The following PALM2AKAP2 variants were observed in gnomAD, a reference collection of about 807,000 sequenced individuals.
The protein encoded by PALM2AKAP2 is PALM2-AKAP2 fusion protein.
A neutral mutation model predicts 71.5 loss-of-function variants in PALM2AKAP2; 37 were observed. That is an observed-to-expected ratio of 0.52 (90% CI 0.40 to 0.68). The LOEUF (loss-of-function observed/expected upper bound fraction) is 0.68. Ranked by LOEUF, PALM2AKAP2 falls within the 30% of genes least tolerant of loss-of-function variation. PALM2AKAP2 has a pLI of 0.00. For synonymous variants in PALM2AKAP2, 468 were observed against 478.8 expected, an observed-to-expected ratio of 0.98 and a Z score of 0.29; for missense variants, 1,224 against 1,191.8, an observed-to-expected ratio of 1.03 and a Z score of -0.40.
intron 1 of PALM2AKAP2, chr9:109,862,945 C>T (rs746277858): frequency 1.4e-5 from 7 of 512,920 alleles, no homozygotes; most frequent in Non-Finnish European, 2.7e-5. Flanking sequence ...TGGTAGGGGG[C>T]CATGGCTTGA....
At chr9:109,753,414 G>C (rs1208728702) in intron 1 of PALM2AKAP2, among the ~76,000 whole-genome samples, 10 of 152,104 alleles carry the variant, frequency 6.6e-5, no homozygotes, top group Admixed American at 5.9e-4. Flanking sequence ...TCTTTTTCCA[G>C]CTTCCAAAAG....
chr9:110,048,768 T>G (rs1159158324), exon 1 of PALM2AKAP2: 1 of 1,458,384 alleles, frequency 6.9e-7, no homozygotes, highest in Non-Finnish European at 9.3e-7. Flanking sequence ...CGGAGTCTCC[T>G]GGACCCCCGG....
At chr9:109,691,174 T>TACACATACACAC (rs1554706573) in intron 1 of PALM2AKAP2, among the ~76,000 whole-genome samples, 17 of 147,458 alleles carry the variant, frequency 1.2e-4, no homozygotes, top group Admixed American at 1.0e-3. Context: ...CTTTGAATTT[T>TACACATACACAC]ACACACACAC....
At chr9:109,835,189 G>GAGGGTGTAGGGAAAGAGGGA (rs1355350115) in intron 1 of PALM2AKAP2, among the ~76,000 whole-genome samples, 5 of 150,390 alleles carry the variant, frequency 3.3e-5, no homozygotes, top group African/African-American at 1.2e-4. Context: ...GGAAAGAGGA[G>GAGGGTGTAGGGAAAGAGGGA]AGGGTGTAGG....
intron 1 of PALM2AKAP2, among the ~76,000 whole-genome samples, chr9:109,864,254 AG>A (rs1323285167): frequency 1.7e-4 from 26 of 152,306 alleles, no homozygotes; most frequent in Non-Finnish European, 1.5e-5. Flanking sequence ...TAACCCAATA[AG>A]GAGTTTCCTC....
intron 1 of PALM2AKAP2, among the ~76,000 whole-genome samples, chr9:109,797,181 C>G (rs555896371): frequency 6.6e-6 from 1 of 152,294 alleles, no homozygotes; most frequent in East Asian, 1.9e-4. Flanking sequence ...TTCCATCTCT[C>G]TCAGCTGGGT....
intron 1 of PALM2AKAP2, among the ~76,000 whole-genome samples, chr9:109,768,835 A>G (rs964296687): frequency 1.3e-5 from 2 of 152,220 alleles, no homozygotes; most frequent in African/African-American, 4.8e-5. Flanking sequence ...AAATTTAAAA[A>G]TAGACCAGGC....
At chr9:109,803,355 C>T (rs1827485456) in intron 1 of PALM2AKAP2, among the ~76,000 whole-genome samples, 1 of 152,132 alleles carries the variant, frequency 6.6e-6, no homozygotes, top group African/African-American at 2.4e-5. Context: ...TTCTGCCTGA[C>T]CATTTTAATC....
At chr9:110,170,199 G>T (rs796652703) in exon 4 of PALM2AKAP2, 17 of 151,752 alleles carry the variant, frequency 1.1e-4, no homozygotes, top group African/African-American at 3.6e-4. Context: ...TTCAATTCTG[G>T]CCATGAGAAA....
At chr9:109,941,160 T>C (rs1383653351) in intron 6 of PALM2AKAP2, among the ~76,000 whole-genome samples, 3 of 149,594 alleles carry the variant, frequency 2.0e-5, no homozygotes, top group Non-Finnish European at 4.5e-5. Flanking sequence ...TTTTTTTTTT[T>C]TTTTTTTTTA....
intron 3 of PALM2AKAP2, among the ~76,000 whole-genome samples, chr9:109,907,021 T>C (rs1357556822): frequency 6.6e-6 from 1 of 152,172 alleles, no homozygotes; most frequent in Non-Finnish European, 1.5e-5. Context: ...TCAAAGCCCC[T>C]TTGTCCATGT....
intron 3 of PALM2AKAP2, among the ~76,000 whole-genome samples, chr9:109,889,183 G>A (rs1411025325): frequency 6.6e-6 from 1 of 152,218 alleles, no homozygotes; most frequent in African/African-American, 2.4e-5. Context: ...ATGAAAGTCT[G>A]TTCAGAGTTA....
chr9:109,852,837 A>C (rs995582728), intron 1 of PALM2AKAP2, among the ~76,000 whole-genome samples: 2 of 152,106 alleles, frequency 1.3e-5, no homozygotes, highest in Admixed American at 6.6e-5. Flanking sequence ...GTCTTTTGAA[A>C]AGTGTCTGTT....
intron 6 of PALM2AKAP2, among the ~76,000 whole-genome samples, chr9:109,952,460 A>G (rs1196104753): frequency 2.0e-5 from 3 of 152,362 alleles, no homozygotes; most frequent in East Asian, 1.9e-4. Flanking sequence ...GATTTTTTAA[A>G]TGTCTTTATG....
intron 3 of PALM2AKAP2, among the ~76,000 whole-genome samples, chr9:110,158,805 A>G (rs1319001251): frequency 6.6e-6 from 1 of 152,248 alleles, no homozygotes; most frequent in Non-Finnish European, 1.5e-5. Context: ...TTACAACAGA[A>G]CCAAGTTTGC....
At chr9:110,077,336 T>G (rs77872663) in intron 1 of PALM2AKAP2, among the ~76,000 whole-genome samples, 2,876 of 152,310 alleles carry the variant, frequency 0.019, 43 homozygotes, top group Middle Eastern at 0.031. Flanking sequence ...ACACATTCAG[T>G]GATAGCTTTC....
chr9:109,720,886 G>A (rs758166557), intron 1 of PALM2AKAP2, among the ~76,000 whole-genome samples: 1 of 152,168 alleles, frequency 6.6e-6, no homozygotes, highest in Non-Finnish European at 1.5e-5. Flanking sequence ...AACCACTAGG[G>A]ATAGAGCAGT....
chr9:109,873,374 C>G (rs1022230554), intron 2 of PALM2AKAP2, among the ~76,000 whole-genome samples: 1 of 151,494 alleles, frequency 6.6e-6, no homozygotes, highest in Non-Finnish European at 1.5e-5. Flanking sequence ...AGGTGGAGGT[C>G]GCAGTGAGCC....
intron 1 of PALM2AKAP2, among the ~76,000 whole-genome samples, chr9:109,655,501 C>T (rs1827290992): frequency 1.3e-5 from 2 of 152,028 alleles, no homozygotes; most frequent in African/African-American, 4.8e-5. Flanking sequence ...AATTCAGTGG[C>T]ATTAAGTACA....
Sources: gnomAD v4.1 joint callset for allele counts (sites outside exome capture counted in the v4.1 genomes callset) on GRCh38, gnomAD v4.1.1 for gene constraint, MANE v1.5 for transcripts, NCBI Gene and HGNC (gene_info 2026-07-23, HGNC 2026-07-21) for gene names.